GGT1: variants seen among roughly 807,000 people sequenced by gnomAD.
GGT1 encodes the protein glutathione hydrolase 1 proenzyme.
Under a neutral mutation model 56.0 loss-of-function variants are expected in GGT1, and 21 were observed. The observed-to-expected ratio is 0.38, with a 90% CI of 0.27 to 0.54. The LOEUF (loss-of-function observed/expected upper bound fraction) is 0.54. Ranked by LOEUF, GGT1 falls within the 20% of genes least tolerant of loss-of-function variation. The pLI, the probability that GGT1 is intolerant of heterozygous loss-of-function variation, is 0.82. For missense variants in GGT1, 466 were observed against 787.0 expected (o/e 0.59, Z 4.88); for synonymous variants, 238 against 342.6 (o/e 0.69, Z 3.37).
At position 24,623,811 on chromosome 22, in the gene GGT1, C is replaced by T. The variant is rs927129165; in HGVS notation, c.915C>T (p.Ser305=). 151 of 1,611,724 alleles carry T rather than the reference C, an allele frequency of 9.4e-5. No individual in the cohort carries two copies. Among genetic ancestry groups the T allele is most frequent in the Non-Finnish European group, 1.2e-4 (145 of 1,179,828 alleles). Residue 305 remains serine, a synonymous_variant, in exon 11 of 16, where the codon AGC becomes AGT. Coordinates refer to ENST00000400382, the MANE Select transcript of GGT1 (RefSeq NM_001288833.2). ...GYNFSRESVE[S]PEQKGLTYHR... The stretch of plus-strand genomic sequence containing the variant: ...ACTTCTCCCGGGAGAGCGTGGAGAG[C>T]CCCGAGCAGAAGGGCCTGACGTACC...
Position 24,628,686 on chromosome 22 carries a change from C to G in GGT1, c.1564-7C>G, listed in dbSNP as rs764542324. 11 of 1,610,720 alleles carry G rather than the reference C, an allele frequency of 6.8e-6. No individual in the cohort carries two copies. The highest frequency in any genetic ancestry group is 1.7e-5 in the Admixed American group (1 of 60,018). ...TGCTCAGGCTTCCCCTCTCCTCCCA[C>G]CCCCAGGCAGTGACTGCAGCCCTGG... On this transcript the variant is annotated splice_polypyrimidine_tract_variant and splice_region_variant and intron_variant, in intron 15 of 15. Transcript: ENST00000400382. The surrounding 1 kb of genome is among the most constrained non-coding windows in gnomAD (Gnocchi z 5.7).
the GGT1 span, chr22:24,588,643 C>T: frequency 8.8e-7 from 1 of 1,131,536 alleles, no homozygotes; most frequent in Non-Finnish European, 1.1e-6. Context: ...TATCAGCCGG[C>T]TGCCTGCCCA....
At chr22:24,605,065 T>C (rs1346115731) in intron 1 of GGT1, among the ~76,000 whole-genome samples, 1 of 77,738 alleles carries the variant, frequency 1.3e-5, no homozygotes, top group Non-Finnish European at 2.1e-5. Flanking sequence ...ATATTATATG[T>C]AATATATAAT....
intron 1 of GGT1, among the ~76,000 whole-genome samples, chr22:24,606,044 ATCATATATTATAT>A: frequency 9.1e-5 from 8 of 87,490 alleles, no homozygotes; most frequent in African/African-American, 1.1e-4. Flanking sequence ...TATATAATAT[ATCATATATTATAT>A]TTATATAATT....
rs2046575680 is a variant in GGT1, at chr22:24,610,286, A to T, written c.-253A>T. 1 of 308,376 alleles carries T rather than the reference A, an allele frequency of 3.2e-6. No homozygotes were observed. Among genetic ancestry groups the T allele is most frequent in the Non-Finnish European group, 6.5e-6 (1 of 153,670 alleles). The allele number at this position is 308,376 out of a possible 1,614,324, so 19.1% of individuals were successfully genotyped here. A position where few individuals can be genotyped will look rare whatever the true frequency, so the allele number is the denominator to read the frequency against. On this transcript the variant is annotated 5_prime_UTR_variant, in exon 4 of 16. Transcript: ENST00000400382. ...AGACAGAGAAACCAGCTAGAGGCAG[A>T]GGGAGGTAACACGGAGTCCCCCAGA... is the stretch of plus-strand genomic sequence containing the variant.
Position 24,628,905 on chromosome 22 carries a change from G to T in GGT1, c.*66G>T. 6 of 1,597,038 alleles carry T rather than the reference G, an allele frequency of 3.8e-6. No individual in the cohort carries two copies. Among genetic ancestry groups the T allele is most frequent in the Admixed American group, 1.7e-5 (1 of 57,170 alleles). ...AGATACTCACCAGGACCAGGAAGGG[G>T]ACTCTGGGGGACCGGCTTCCCCTGT... On this transcript the variant is annotated 3_prime_UTR_variant, in exon 16 of 16. Coordinates refer to ENST00000400382, the MANE Select transcript of GGT1 (RefSeq NM_001288833.2). The surrounding 1 kb of genome is among the most constrained non-coding windows in gnomAD (Gnocchi z 5.7).
intron 9 of GGT1, among the ~76,000 whole-genome samples, chr22:24,622,036 T>C (rs2047446578): frequency 1.5e-5 from 2 of 133,726 alleles, no homozygotes; most frequent in South Asian, 4.6e-4. Context: ...TGAGATTCCA[T>C]CTCAAAAAAA....
rs1193458971 is a variant in GGT1, at chr22:24,628,298, C to T, written c.1473C>T (p.Phe491=). 30 of 1,611,922 alleles carry T rather than the reference C, an allele frequency of 1.9e-5. No homozygotes were observed. Among genetic ancestry groups the T allele is most frequent in the Non-Finnish European group, 2.2e-5 (26 of 1,179,834 alleles). Residue 491 remains phenylalanine (F), a synonymous_variant, in exon 15 of 16, where the codon TTC becomes TTT. Transcript: ENST00000400382. This position sits in a 1 kb window ranked among gnomAD's most constrained non-coding sequence, Gnocchi z 5.7. The stretch of plus-strand genomic sequence containing the variant: ...AGGCCATCATCTACAACCTCTGGTT[C>T]GGCTATGACGTGAAGCGGGCCGTGG... ...TALAIIYNLW[F]GYDVKRAVEE...
chr22:24,609,591 C>T (rs1041313140), intron 2 of GGT1: 10 of 212,456 alleles, frequency 4.7e-5, no homozygotes, highest in South Asian at 1.2e-4. Context: ...TGAGGTCAGA[C>T]GCTCTGCACT....
At chr22:24,616,207 A>T (rs2047054014) in intron 7 of GGT1, among the ~76,000 whole-genome samples, 1 of 151,766 alleles carries the variant, frequency 6.6e-6, no homozygotes, top group Non-Finnish European at 1.5e-5. Context: ...CTAGGTCAGG[A>T]GTTCAAGACC....
upstream of GGT1, among the ~76,000 whole-genome samples, chr22:24,602,048 A>C (rs2045791183): frequency 6.6e-6 from 1 of 151,894 alleles, no homozygotes; most frequent in Non-Finnish European, 1.5e-5. Context: ...AGGGCTCTCA[A>C]AGTCCACACT....
the GGT1 span, chr22:24,588,639 C>T: frequency 8.9e-7 from 1 of 1,120,810 alleles, no homozygotes; most frequent in Non-Finnish European, 1.1e-6. Flanking sequence ...GGGCTATCAG[C>T]CGGCTGCCTG....
chr22:24,618,450 G>A lies in GGT1; in HGVS notation c.383-1878G>A, dbSNP rs1601724288. On this transcript the variant is annotated intron_variant, in intron 7 of 15. Coordinates refer to ENST00000400382, the MANE Select transcript of GGT1 (RefSeq NM_001288833.2). ...TACTAAAAATACAAAAATTAGCCTG[G>A]CGTGCTGGCCTGTGCCTGTAATACC... Among the ~76,000 whole-genome samples the A allele has an allele frequency of 2.0e-5, 3 of 152,224 alleles. No homozygotes were observed. The South Asian group carries it at 6.2e-4, about 32-fold the overall frequency.
chr22:24,596,395 C>T (rs2045692308), intron 1 of GGT1, among the ~76,000 whole-genome samples: 1 of 152,188 alleles, frequency 6.6e-6, no homozygotes, highest in East Asian at 1.9e-4. Flanking sequence ...CCTTCCTTGG[C>T]TGCTGCTGCA....
chr22:24,618,031 G>A (rs985944438), intron 7 of GGT1, among the ~76,000 whole-genome samples: 1 of 152,138 alleles, frequency 6.6e-6, no homozygotes, highest in African/African-American at 2.4e-5. Context: ...AAGTGTGCTG[G>A]CATGAGAGTC....
chr22:24,625,499 C>G (rs2047691760), intron 11 of GGT1, among the ~76,000 whole-genome samples: 1 of 152,028 alleles, frequency 6.6e-6, no homozygotes, highest in African/African-American at 2.4e-5. Context: ...CTCCCGGGAT[C>G]AAACTATCTT....
chr22:24,623,754 A>G (rs1161743786), intron 10 of GGT1, 26 bp from the exon 11 acceptor site: 2 of 1,610,800 alleles, frequency 1.2e-6, no homozygotes, highest in Admixed American at 1.7e-5. Context: ...GGGCTCAGCA[A>G]CATGCACCTG....
chr22:24,586,369 A>G, the GGT1 span: 8 of 1,613,704 alleles, frequency 5.0e-6, no homozygotes, highest in Non-Finnish European at 6.8e-6. Context: ...AGAGGTCCAC[A>G]GTCTCCCCTG....
At chr22:24,586,025 C>T in the GGT1 span, 118 of 1,610,992 alleles carry the variant, frequency 7.3e-5, no homozygotes, top group Non-Finnish European at 9.2e-5. Flanking sequence ...GAGTGAGGTG[C>T]GCTGGCTCAG....
Sources: allele counts gnomAD v4.1 joint callset (sites outside exome capture counted in the v4.1 genomes callset), GRCh38; gene constraint gnomAD v4.1.1; non-coding constraint Gnocchi (gnomAD v3.1); transcripts MANE v1.5; gene names NCBI Gene and HGNC (gene_info 2026-07-23, HGNC 2026-07-21).